RCOR1: variants seen among roughly 807,000 people sequenced by gnomAD.
RCOR1 encodes REST corepressor.
RCOR1 carries 12 observed loss-of-function variants against 64.0 expected under a neutral mutation model. That is an observed-to-expected ratio of 0.19 (90% CI 0.12 to 0.30). The LOEUF (loss-of-function observed/expected upper bound fraction) is 0.30. Ranked by LOEUF, RCOR1 falls within the 10% of genes least tolerant of loss-of-function variation. RCOR1 has a pLI of 1.00. For synonymous variants in RCOR1, 279 were observed against 227.2 expected (o/e 1.23, Z -2.05); for missense variants, 502 against 621.2 (o/e 0.81, Z 2.04).
intron 5 of RCOR1, 41 bp downstream of exon 5, chr14:102,707,553 A>T: frequency 6.7e-7 from 1 of 1,494,676 alleles, no homozygotes; most frequent in Non-Finnish European, 9.1e-7. Context: ...TTTTTCTCCT[A>T]TCTAACTCTC....
chr14:102,593,102 T>C lies in RCOR1; in HGVS notation c.216T>C (p.Ser72=). The C allele has an allele frequency of 6.7e-7, 1 of 1,498,666 alleles. No homozygotes were observed. The highest frequency in any genetic ancestry group is 8.9e-7 in the Non-Finnish European group (1 of 1,127,338). 92.8% of individuals were successfully genotyped at this position (1,498,666 alleles called of 1,614,324 possible). Residue 72 remains serine (S), a synonymous_variant, in exon 1 of 12, where the codon AGT becomes AGC. Transcript: ENST00000262241. ...CCCCCAATAATGGCCAGAATAAAAGTTTGGCGGCGGCGGCGCCCAATGGCA... is the reference window on the plus strand; with the variant it reads ...CCCCCAATAATGGCCAGAATAAAAGCTTGGCGGCGGCGGCGCCCAATGGCA... The part of the protein sequence containing the change: ...AAAPNNGQNK[S]LAAAAPNGNS...
chr14:102,676,726 G>C (rs1895171033), intron 2 of RCOR1, among the ~76,000 whole-genome samples: 2 of 109,636 alleles, frequency 1.8e-5, no homozygotes, highest in Non-Finnish European at 3.9e-5. Context: ...GGCCGGGCGG[G>C]GGGCTGACCC....
At chr14:102,706,898 A>G (rs1041878615) in intron 4 of RCOR1, among the ~76,000 whole-genome samples, 3 of 151,912 alleles carry the variant, frequency 2.0e-5, no homozygotes, top group African/African-American at 7.2e-5. Flanking sequence ...CTCTGTGACC[A>G]CTTCCCTGAT....
intron 2 of RCOR1, among the ~76,000 whole-genome samples, chr14:102,610,708 G>T (rs1253110011): frequency 2.0e-5 from 3 of 151,940 alleles, no homozygotes; most frequent in African/African-American, 7.3e-5. Flanking sequence ...GACTGTAGGC[G>T]CCCACCACCA....
At chr14:102,671,863 A>G (rs1264753221) in intron 2 of RCOR1, among the ~76,000 whole-genome samples, 3 of 152,210 alleles carry the variant, frequency 2.0e-5, no homozygotes, top group Non-Finnish European at 2.9e-5. Flanking sequence ...CAAATGCCCT[A>G]CAGCCTCTGG....
rs934321554 is a variant in RCOR1 at position 102,645,316 on chromosome 14, G to A, written c.362-36579G>A. ...TAAGAAAGTATTACAGTCACAGTCT[G>A]GGTTTGTTCTTTACCACTGAGAATT... On this transcript the variant is annotated intron_variant, in intron 2 of 11. Transcript: ENST00000262241. Among the ~76,000 whole-genome samples, 33 of 152,060 alleles carry A rather than the reference G, an allele frequency of 2.2e-4. 1 individual carries two copies. Among genetic ancestry groups the A allele is most frequent in the African/African-American group, 2.4e-5 (1 of 41,396 alleles).
At chr14:102,659,880 T>G (rs1236129428) in intron 2 of RCOR1, among the ~76,000 whole-genome samples, 1 of 152,174 alleles carries the variant, frequency 6.6e-6, no homozygotes, top group East Asian at 1.9e-4. Flanking sequence ...ACAGCCATAG[T>G]CAAGAAGCGT....
intron 2 of RCOR1, among the ~76,000 whole-genome samples, chr14:102,676,123 C>G (rs1173761010): frequency 1.3e-5 from 2 of 150,882 alleles, no homozygotes; most frequent in Non-Finnish European, 3.0e-5. Context: ...TCCACACAGA[C>G]CCGGCAACCA....
At chr14:102,683,199 A>G (rs1895341266) in intron 3 of RCOR1, among the ~76,000 whole-genome samples, 1 of 152,198 alleles carries the variant, frequency 6.6e-6, no homozygotes, top group Non-Finnish European at 1.5e-5. Context: ...TTTTAAGTTT[A>G]AAGTTGGTTA....
At chr14:102,709,646 C>T (rs889948129) in intron 6 of RCOR1, among the ~76,000 whole-genome samples, 5 of 152,088 alleles carry the variant, frequency 3.3e-5, no homozygotes, top group African/African-American at 1.2e-4. Context: ...ATTGTAAGAG[C>T]CTATAAAATT....
intron 8 of RCOR1, 89 bp downstream of exon 8, chr14:102,714,706 C>A: frequency 9.7e-7 from 1 of 1,029,094 alleles, no homozygotes; most frequent in Non-Finnish European, 1.4e-6. Flanking sequence ...GTTCTCTTTC[C>A]GCAAATCTCA....
chr14:102,604,643 A>G (rs530768593), intron 2 of RCOR1, among the ~76,000 whole-genome samples: 1 of 152,318 alleles, frequency 6.6e-6, no homozygotes, highest in South Asian at 2.1e-4. Flanking sequence ...TGTAAGAGGC[A>G]CCTTTATTTT....
At chr14:102,595,651 C>T (rs1893226939) in intron 2 of RCOR1, among the ~76,000 whole-genome samples, 1 of 151,388 alleles carries the variant, frequency 6.6e-6, no homozygotes, top group African/African-American at 2.4e-5. Context: ...GTGATCTCAG[C>T]TCACTGCAAG....
chr14:102,636,015 C>G (rs1894228133), intron 2 of RCOR1, among the ~76,000 whole-genome samples: 1 of 151,850 alleles, frequency 6.6e-6, no homozygotes, highest in African/African-American at 2.4e-5. Context: ...CCACTGCAAC[C>G]TCCGCCTCCC....
intron 3 of RCOR1, among the ~76,000 whole-genome samples, chr14:102,696,848 A>T (rs1469800269): frequency 5.2e-4 from 74 of 141,584 alleles, no homozygotes; most frequent in African/African-American, 1.8e-3. Flanking sequence ...GTAGCTGGGA[A>T]CACATTTTAT....
intron 3 of RCOR1, among the ~76,000 whole-genome samples, chr14:102,697,865 C>G (rs1042920005): frequency 4.6e-5 from 7 of 151,996 alleles, no homozygotes; most frequent in African/African-American, 1.7e-4. Flanking sequence ...GGATTACAGA[C>G]ACGCACCACC....
At chr14:102,606,900 T>G (rs889459563) in intron 2 of RCOR1, among the ~76,000 whole-genome samples, 2 of 150,608 alleles carry the variant, frequency 1.3e-5, no homozygotes, top group Admixed American at 6.8e-5. Flanking sequence ...AGGCTTTTGT[T>G]TTTGTTTTTT....
intron 2 of RCOR1, among the ~76,000 whole-genome samples, chr14:102,642,681 T>G (rs1379368662): frequency 6.6e-6 from 1 of 151,862 alleles, no homozygotes; most frequent in Non-Finnish European, 1.5e-5. Context: ...ATAAAAATTA[T>G]AAAAATAAGC....
chr14:102,713,866 T>G (rs1896009788), intron 7 of RCOR1, among the ~76,000 whole-genome samples: 1 of 152,244 alleles, frequency 6.6e-6, no homozygotes, highest in South Asian at 2.1e-4. Flanking sequence ...TTCTTGTTCT[T>G]AAAATGGTTA....
Sources: gnomAD v4.1 joint callset for allele counts (sites outside exome capture counted in the v4.1 genomes callset) on GRCh38, gnomAD v4.1.1 for gene constraint, MANE v1.5 for transcripts, NCBI Gene and HGNC (gene_info 2026-07-23, HGNC 2026-07-21) for gene names.